Variants in QTMAN observed in about 807,000 individuals in gnomAD.
QTMAN encodes tRNA-queuosine alpha-mannosyltransferase.
chr2:144,202,768 C>T, the QTMAN span, among the ~76,000 whole-genome samples: 1 of 152,134 alleles, frequency 6.6e-6, no homozygotes, highest in Admixed American at 6.5e-5. Flanking sequence ...TCCTAGAGGT[C>T]TTTAAAGCAG....
At chr2:143,986,997 G>A in the QTMAN span, among the ~76,000 whole-genome samples, 18 of 152,070 alleles carry the variant, frequency 1.2e-4, no homozygotes, top group Admixed American at 6.5e-4. Flanking sequence ...CCAAAAAGAG[G>A]GTAAATAATA....
the QTMAN span, among the ~76,000 whole-genome samples, chr2:144,256,057 T>C: frequency 1.3e-5 from 2 of 152,214 alleles, no homozygotes; most frequent in Non-Finnish European, 2.9e-5. Flanking sequence ...ATTTCTAAAA[T>C]AAAGTCCAGG....
chr2:144,116,687 T>C, the QTMAN span, among the ~76,000 whole-genome samples: 2 of 152,214 alleles, frequency 1.3e-5, no homozygotes, highest in African/African-American at 2.4e-5. Context: ...AATCTACTCC[T>C]GATTTTTTGT....
the QTMAN span, among the ~76,000 whole-genome samples, chr2:143,982,615 C>G: frequency 9.2e-3 from 1,388 of 151,360 alleles, 16 homozygotes; most frequent in African/African-American, 0.032. Flanking sequence ...AATCCCAGTA[C>G]TTTGGCAGGC....
chr2:144,331,543 T>C, the QTMAN span, among the ~76,000 whole-genome samples: 1 of 152,078 alleles, frequency 6.6e-6, no homozygotes. Flanking sequence ...TGTAAAAGCC[T>C]TCTCTTTGAA....
the QTMAN span, among the ~76,000 whole-genome samples, chr2:144,166,389 T>C: frequency 6.6e-6 from 1 of 152,222 alleles, no homozygotes; most frequent in Non-Finnish European, 1.5e-5. Context: ...CCCATATCTT[T>C]GTACTTACCC....
chr2:144,101,074 T>C, the QTMAN span, among the ~76,000 whole-genome samples: 2 of 152,048 alleles, frequency 1.3e-5, no homozygotes, highest in Non-Finnish European at 2.9e-5. Flanking sequence ...TTCACCATGT[T>C]AGCCAGGATG....
the QTMAN span, among the ~76,000 whole-genome samples, chr2:144,239,089 C>A: frequency 6.6e-6 from 1 of 150,484 alleles, no homozygotes; most frequent in East Asian, 1.9e-4. Context: ...AATGCTAAGG[C>A]TATTCGAATA....
chr2:144,133,783 C>T, the QTMAN span, among the ~76,000 whole-genome samples: 29 of 151,012 alleles, frequency 1.9e-4, no homozygotes, highest in African/African-American at 6.3e-4. Flanking sequence ...TTTTTAATGA[C>T]ATTCAAAAGA....
chr2:144,284,399 GA>G, the QTMAN span, among the ~76,000 whole-genome samples: 1 of 151,826 alleles, frequency 6.6e-6, no homozygotes, highest in East Asian at 1.9e-4. Flanking sequence ...TGACATGTGA[GA>G]AATTATTATG....
At chr2:144,096,723 A>G in the QTMAN span, among the ~76,000 whole-genome samples, 1 of 152,252 alleles carries the variant, frequency 6.6e-6, no homozygotes, top group Non-Finnish European at 1.5e-5. Context: ...GCAAGCAATC[A>G]AAGTGCTCAG....
the QTMAN span, among the ~76,000 whole-genome samples, chr2:143,977,339 G>C: frequency 6.6e-6 from 1 of 152,126 alleles, no homozygotes; most frequent in African/African-American, 2.4e-5. Flanking sequence ...TGCTATGAGA[G>C]TGTAGCATAC....
chr2:144,228,343 A>T, the QTMAN span, among the ~76,000 whole-genome samples: 1 of 152,174 alleles, frequency 6.6e-6, no homozygotes, highest in Non-Finnish European at 1.5e-5. Flanking sequence ...TTGAATGTAC[A>T]CTTTTACAAT....
At chr2:144,169,526 T>C in the QTMAN span, among the ~76,000 whole-genome samples, 1 of 152,136 alleles carries the variant, frequency 6.6e-6, no homozygotes, top group African/African-American at 2.4e-5. Context: ...ATCATGGATT[T>C]AATTCTTTTT....
chr2:144,138,008 A>T, the QTMAN span, among the ~76,000 whole-genome samples: 10 of 152,156 alleles, frequency 6.6e-5, no homozygotes, highest in South Asian at 2.1e-3. Flanking sequence ...CCTGACTCTT[A>T]CTTTGTCTTC....
chr2:143,950,095 G>A, the QTMAN span, among the ~76,000 whole-genome samples: 1 of 151,660 alleles, frequency 6.6e-6, no homozygotes, highest in African/African-American at 2.4e-5. Flanking sequence ...CATGGTAGAC[G>A]ATGCTTAAAA....
At chr2:144,274,394 T>C in the QTMAN span, among the ~76,000 whole-genome samples, 5 of 152,212 alleles carry the variant, frequency 3.3e-5, no homozygotes, top group Admixed American at 3.3e-4. Flanking sequence ...ACTAGGCTCC[T>C]GGATACCCTC....
At chr2:144,087,589 C>T in the QTMAN span, among the ~76,000 whole-genome samples, 1 of 151,912 alleles carries the variant, frequency 6.6e-6, no homozygotes, top group African/African-American at 2.4e-5. Context: ...AAACTGAATC[C>T]AACAGCACAT....
At chr2:144,241,236 T>C in the QTMAN span, among the ~76,000 whole-genome samples, 2 of 152,190 alleles carry the variant, frequency 1.3e-5, no homozygotes, top group Non-Finnish European at 2.9e-5. Flanking sequence ...GCCCAGTGTT[T>C]TAACAAGTCT....
Sources: gnomAD v4.1 joint callset for allele counts (sites outside exome capture counted in the v4.1 genomes callset) on GRCh38, gnomAD v4.1.1 for gene constraint, MANE v1.5 for transcripts, NCBI Gene and HGNC (gene_info 2026-07-23, HGNC 2026-07-21) for gene names.